The following SH3D19 variants were observed in gnomAD, a reference collection of about 807,000 sequenced individuals.
The protein encoded by SH3D19 is SH3 domain containing 19.
Under a neutral mutation model 112.1 loss-of-function variants are expected in SH3D19, and 58 were observed. The ratio of observed to expected loss-of-function variants is 0.52; its 90% CI spans 0.42 to 0.64. The LOEUF (loss-of-function observed/expected upper bound fraction) is 0.64, where lower values mean the gene tolerates loss of function less well. Ranked by LOEUF, SH3D19 falls within the 30% of genes least tolerant of loss-of-function variation. SH3D19 has a pLI of 0.00. For synonymous variants in SH3D19, 391 were observed against 448.5 expected, an observed-to-expected ratio of 0.87 and a Z score of 1.62; for missense variants, 1,090 against 1,263.4, an observed-to-expected ratio of 0.86 and a Z score of 2.08.
At chr4:151,310,156 T>C (rs1328644509) in intron 1 of SH3D19, among the ~76,000 whole-genome samples, 2 of 150,224 alleles carry the variant, frequency 1.3e-5, no homozygotes, top group Non-Finnish European at 3.0e-5. Context: ...GGAGGATAAC[T>C]TGAGGCCAGG....
At chr4:151,202,710 TA>T (rs1764574670) in intron 2 of SH3D19, among the ~76,000 whole-genome samples, 1 of 152,188 alleles carries the variant, frequency 6.6e-6, no homozygotes, top group Admixed American at 6.5e-5. Flanking sequence ...GACTTCTTTT[TA>T]ACAACCTTAC....
intron 12 of SH3D19, chr4:151,140,835 C>T (rs7683092): frequency 0.84 from 128,245 of 152,176 alleles, 55,232 homozygotes; most frequent in Non-Finnish European, 0.95. Flanking sequence ...CTGATTGCAG[C>T]GCACTGTGAA....
intron 4 of SH3D19, among the ~76,000 whole-genome samples, chr4:151,177,201 A>G (rs74768630): frequency 0.03 from 4,625 of 152,336 alleles, 177 homozygotes; most frequent in East Asian, 0.19. Context: ...CCCTGGGCAC[A>G]CTTGGCTCTG....
intron 1 of SH3D19, among the ~76,000 whole-genome samples, chr4:151,306,306 C>G (rs183433230): frequency 6.6e-6 from 1 of 152,268 alleles, no homozygotes; most frequent in East Asian, 1.9e-4. Context: ...GAAGAAAAGA[C>G]TACAGGGATT....
At chr4:151,173,485 A>T (rs1054235477) in intron 7 of SH3D19, among the ~76,000 whole-genome samples, 1 of 152,260 alleles carries the variant, frequency 6.6e-6, no homozygotes, top group African/African-American at 2.4e-5. Flanking sequence ...TTGCAAACTT[A>T]GGCCAATGAT....
chr4:151,172,288 C>T (rs533169491), intron 7 of SH3D19, among the ~76,000 whole-genome samples: 17 of 152,294 alleles, frequency 1.1e-4, no homozygotes, highest in African/African-American at 3.8e-4. Context: ...CAGGTCAAGG[C>T]ATTCAGAGGT....
chr4:151,226,465 T>C (rs185705727), intron 1 of SH3D19: 20 of 991,446 alleles, frequency 2.0e-5, no homozygotes, highest in African/African-American at 5.2e-5. Context: ...CCATGAATCA[T>C]GGTTGGCAGA....
intron 1 of SH3D19, among the ~76,000 whole-genome samples, chr4:151,298,066 A>AAAAAC (rs1399257790): frequency 2.6e-5 from 4 of 152,206 alleles, no homozygotes; most frequent in Admixed American, 2.6e-4. Context: ...TAGAAAAGGC[A>AAAAAC]AAAACAGGAT....
chr4:151,130,091 G>T (rs891032216), intron 17 of SH3D19, among the ~76,000 whole-genome samples: 4 of 152,122 alleles, frequency 2.6e-5, no homozygotes, highest in African/African-American at 9.7e-5. Context: ...AATTACAAGT[G>T]ACATTTTCAC....
At chr4:151,217,610 C>T (rs748558865) in intron 2 of SH3D19, among the ~76,000 whole-genome samples, 28 of 151,226 alleles carry the variant, frequency 1.9e-4, no homozygotes, top group Non-Finnish European at 4.0e-4. Context: ...CAGACATGTA[C>T]GGCACATAAA....
chr4:151,194,220 G>T (rs1442141871), intron 2 of SH3D19, among the ~76,000 whole-genome samples: 3 of 149,674 alleles, frequency 2.0e-5, no homozygotes, highest in Non-Finnish European at 3.0e-5. Flanking sequence ...TAGAGATGGG[G>T]TCTCACCAGT....
At chr4:151,150,238 CATAT>C (rs1424399128) in intron 9 of SH3D19, among the ~76,000 whole-genome samples, 1 of 41,106 alleles carries the variant, frequency 2.4e-5, no homozygotes, top group Admixed American at 3.7e-4. Flanking sequence ...TACACACACA[CATAT>C]ATATATATAC....
At chr4:151,280,817 A>C (rs1283385769) in intron 1 of SH3D19, among the ~76,000 whole-genome samples, 3 of 152,124 alleles carry the variant, frequency 2.0e-5, no homozygotes, top group Non-Finnish European at 4.4e-5. Flanking sequence ...TTAAAAAAAA[A>C]CTCAAAGAAA....
intron 1 of SH3D19, among the ~76,000 whole-genome samples, chr4:151,305,478 A>G (rs1728830276): frequency 6.6e-6 from 1 of 152,214 alleles, no homozygotes; most frequent in African/African-American, 2.4e-5. Flanking sequence ...TATTTAAACA[A>G]CCCAATTTTT....
At chr4:151,224,110 C>T (rs1162867074) in intron 2 of SH3D19, among the ~76,000 whole-genome samples, 1 of 152,126 alleles carries the variant, frequency 6.6e-6, no homozygotes, top group Admixed American at 6.5e-5. Context: ...GAGATCGAGA[C>T]CACCCTGGCT....
At chr4:151,242,163 C>G (rs1228840997) in intron 1 of SH3D19, among the ~76,000 whole-genome samples, 1 of 151,352 alleles carries the variant, frequency 6.6e-6, no homozygotes, top group Non-Finnish European at 1.5e-5. Context: ...CCAGCCTGGG[C>G]AACAGAGTGA....
intron 2 of SH3D19, among the ~76,000 whole-genome samples, chr4:151,192,860 A>C (rs1211089422): frequency 3.3e-5 from 5 of 152,206 alleles, no homozygotes; most frequent in Admixed American, 2.6e-4. Context: ...CAAATCCCAC[A>C]AAAAAGTTCA....
chr4:151,294,187 G>T (rs1254650602), intron 1 of SH3D19, among the ~76,000 whole-genome samples: 1 of 151,946 alleles, frequency 6.6e-6, no homozygotes, highest in African/African-American at 2.4e-5. Context: ...TCAATAATTT[G>T]TTGAAAAAAA....
rs76802214 is a variant in SH3D19, at chr4:151,172,461, G to A, written c.1534+2209C>T. On this transcript the variant is annotated intron_variant, in intron 7 of 19. Coordinates refer to ENST00000604030, the MANE Select transcript of SH3D19 (RefSeq NM_001378122.1). Reference sequence around the variant, plus strand: ...TCATCAGAGTGTAAAGGCCTAAAGTGGGGCAGAAGAGGGAAGGATGAAAAG... The same window carrying A: ...TCATCAGAGTGTAAAGGCCTAAAGTAGGGCAGAAGAGGGAAGGATGAAAAG... Among the ~76,000 whole-genome samples the A allele has an allele frequency of 6.7e-3, 1,025 of 152,290 alleles. 8 individuals are homozygous for A. Among genetic ancestry groups the A allele is most frequent in the African/African-American group, 0.024 (990 of 41,538 alleles).
Sources: allele counts gnomAD v4.1 joint callset (sites outside exome capture counted in the v4.1 genomes callset), GRCh38; gene constraint gnomAD v4.1.1; transcripts MANE v1.5; gene names NCBI Gene and HGNC (gene_info 2026-07-23, HGNC 2026-07-21).